TMPRSS15: variants seen among roughly 807,000 people sequenced by gnomAD.
TMPRSS15 encodes transmembrane serine protease 15.
In TMPRSS15, 128 loss-of-function variants were observed where a neutral mutation model predicts 125.3. The ratio of observed to expected loss-of-function variants is 1.02; its 90% CI spans 0.89 to 1.18. The LOEUF (loss-of-function observed/expected upper bound fraction) is 1.18, where lower values mean the gene tolerates loss of function less well. TMPRSS15 is among the 50% of genes most tolerant of loss of function. TMPRSS15 has a pLI of 0.00. For missense variants in TMPRSS15, 1,283 were observed against 1,212.7 expected (o/e 1.06, Z -0.86); for synonymous variants, 446 against 423.2 (o/e 1.05, Z -0.66).
chr21:18,419,220 CTTTTT>C (rs540004490), intron 1 of TMPRSS15, among the ~76,000 whole-genome samples: 2 of 108,604 alleles, frequency 1.8e-5, no homozygotes, highest in African/African-American at 7.0e-5. Flanking sequence ...GACATTTCCT[CTTTTT>C]TTTTTTTTTT....
intron 1 of TMPRSS15, among the ~76,000 whole-genome samples, chr21:18,435,303 C>T (rs2076225396): frequency 6.6e-6 from 1 of 152,086 alleles, no homozygotes. Context: ...GAGATACGTC[C>T]CATCAATACC....
At chr21:18,451,732 T>C (rs9984243) in intron 1 of TMPRSS15, among the ~76,000 whole-genome samples, 14,113 of 152,216 alleles carry the variant, frequency 0.093, 1,864 homozygotes, top group African/African-American at 0.3. Flanking sequence ...TCTTCTACTC[T>C]GTTTTCTATA....
At chr21:18,483,539 A>G (rs942108390) in intron 1 of TMPRSS15, among the ~76,000 whole-genome samples, 1 of 151,756 alleles carries the variant, frequency 6.6e-6, no homozygotes, top group Non-Finnish European at 1.5e-5. Context: ...TTATTGGCAA[A>G]CCTGTAAAAT....
chr21:18,272,190 A>G (rs1452486957), intron 24 of TMPRSS15, among the ~76,000 whole-genome samples: 1 of 152,160 alleles, frequency 6.6e-6, no homozygotes, highest in African/African-American at 2.4e-5. Context: ...CAACACTGTA[A>G]AAGTGTTCCT....
intron 21 of TMPRSS15, among the ~76,000 whole-genome samples, chr21:18,292,013 T>C (rs2074842225): frequency 1.3e-5 from 2 of 152,180 alleles, no homozygotes; most frequent in South Asian, 4.1e-4. Flanking sequence ...AGTCATAAAA[T>C]GTTTATTGTT....
intron 1 of TMPRSS15, among the ~76,000 whole-genome samples, chr21:18,427,521 C>T (rs951688551): frequency 3.9e-5 from 6 of 152,042 alleles, no homozygotes; most frequent in Admixed American, 3.3e-4. Context: ...TTATTTTAGC[C>T]ACAGTTAATA....
chr21:18,319,422 AT>A (rs35796863), intron 16 of TMPRSS15, among the ~76,000 whole-genome samples: 11,485 of 105,178 alleles, frequency 0.11, 338 homozygotes, highest in Non-Finnish European at 0.12. Context: ...TTCTTCACCG[AT>A]TTTTTTTTTT....
In TMPRSS15 at chr21:18,456,021, C is replaced by T. The variant is rs115151994; in HGVS notation, c.10+29778G>A. Among the ~76,000 whole-genome samples, 1,173 of 152,064 alleles carry T rather than the reference C, an allele frequency of 7.7e-3. 17 individuals are homozygous for T. The highest frequency in any genetic ancestry group is 0.027 in the African/African-American group (1,118 of 41,500). On this transcript the variant is annotated intron_variant, in intron 1 of 7. Coordinates refer to the TMPRSS15 transcript ENST00000422787. ...AAATGATTTAAAGTAAAATAAATTC[C>T]GTGAGTAAAATTATATGAATCTAAT...
At chr21:18,377,289 A>C (rs1302448544) in intron 5 of TMPRSS15, among the ~76,000 whole-genome samples, 1 of 152,200 alleles carries the variant, frequency 6.6e-6, no homozygotes, top group East Asian at 1.9e-4. Flanking sequence ...TCAGATCAAA[A>C]TGAGCATTAC....
intron 1 of TMPRSS15, among the ~76,000 whole-genome samples, chr21:18,440,191 G>C (rs1025221023): frequency 1.3e-5 from 2 of 151,256 alleles, no homozygotes; most frequent in African/African-American, 4.9e-5. Flanking sequence ...TGGCTAACAC[G>C]GTGAAACCTC....
Position 18,315,154 on chromosome 21 carries a change from G to A in TMPRSS15, c.2024C>T (p.Ala675Val). Residue 675 changes from alanine to valine, a missense_variant, in exon 17 of 25, where the codon GCA (alanine) becomes GTA (valine). Transcript: ENST00000284885. Reference protein sequence around the residue: ...HLHCEDGSDEADCVRFFNGTT... With the variant: ...HLHCEDGSDEVDCVRFFNGTT... ...CTAAAAATAAGACATACCACAATCT[G>A]CTTCATCTGAGCCATCCTCACAGTG... is the stretch of plus-strand genomic sequence containing the variant. 6.2e-7 allele frequency: 1 copy of A among 1,612,160 alleles called. No individual in the cohort carries two copies.
rs149222115 is a variant in TMPRSS15 at position 18,449,753 on chromosome 21, CTCTTCACAG to C, written c.10+36037_10+36045del. Among the ~76,000 whole-genome samples, 1,168 of 152,032 alleles carry C rather than the reference CTCTTCACAG, an allele frequency of 7.7e-3. 16 individuals carry two copies. Among genetic ancestry groups the C allele is most frequent in the African/African-American group, 0.027 (1,104 of 41,480 alleles). On this transcript the variant is annotated intron_variant, in intron 1 of 7. Coordinates refer to the TMPRSS15 transcript ENST00000422787. ...TATCTTGGCAATGGAAAATTTTCAG[CTCTTCACAG>C]TCATCCTTGAATCACTCTCAGACCA...
At chr21:18,458,800 T>C (rs1601469752) in intron 1 of TMPRSS15, among the ~76,000 whole-genome samples, 1 of 152,308 alleles carries the variant, frequency 6.6e-6, no homozygotes, top group African/African-American at 2.4e-5. Flanking sequence ...GGAGAACACA[T>C]GCAGACTGCT....
rs995868829 is a variant in TMPRSS15 at position 18,294,321 on chromosome 21, G to A, written c.2435C>T (p.Ala812Val). 6.2e-7 allele frequency: 1 copy of A among 1,614,222 alleles called. No homozygotes were observed. Among genetic ancestry groups the A allele is most frequent in the Admixed American group, 1.7e-5 (1 of 60,024 alleles). ...CAGCCAGTCACTGCTGACGAGAGATGCGCCGCAGAGCAGTCGGCCGCCATA... is the reference window on the plus strand; with the variant it reads ...CAGCCAGTCACTGCTGACGAGAGATACGCCGCAGAGCAGTCGGCCGCCATA... ...LYYGGRLLCG[A>V]SLVSSDWLVS... The change falls in exon 21 of 25, where the codon GCA becomes GTA. Residue 812 changes from alanine to valine, a missense_variant. By Grantham distance (64) the Ala-to-Val change is moderately conservative. Transcript: ENST00000284885.
intron 1 of TMPRSS15, among the ~76,000 whole-genome samples, chr21:18,456,529 A>G (rs988578646): frequency 6.6e-6 from 1 of 152,106 alleles, no homozygotes; most frequent in Non-Finnish European, 1.5e-5. Context: ...CTAGACCTGA[A>G]GAGGGCTACC....
chr21:18,341,338 T>A, intron 13 of TMPRSS15, 75 bp downstream of exon 13: 1 of 1,587,964 alleles, frequency 6.3e-7, no homozygotes, highest in Non-Finnish European at 8.6e-7. Context: ...CCCGAAGTGC[T>A]GGAATTATAG....
chr21:18,372,157 A>G, intron 6 of TMPRSS15, 36 bp downstream of exon 6: 1 of 1,528,480 alleles, frequency 6.5e-7, no homozygotes, highest in Non-Finnish European at 9.0e-7. Context: ...GAGGGAGGAT[A>G]AAACAGAAGG....
chr21:18,294,854 T>C (rs1601288735), intron 19 of TMPRSS15, among the ~76,000 whole-genome samples: 1 of 152,226 alleles, frequency 6.6e-6, no homozygotes, highest in South Asian at 2.1e-4. Context: ...TATTCTACCA[T>C]TTCTATGTGA....
chr21:18,440,866 T>C (rs1193879608), intron 1 of TMPRSS15, among the ~76,000 whole-genome samples: 2 of 152,240 alleles, frequency 1.3e-5, no homozygotes, highest in Non-Finnish European at 2.9e-5. Context: ...GTTAATAATA[T>C]AGTTGTTGGA....
Sources: gnomAD v4.1 joint callset for allele counts (sites outside exome capture counted in the v4.1 genomes callset) on GRCh38, gnomAD v4.1.1 for gene constraint, MANE v1.5 for transcripts, NCBI Gene and HGNC (gene_info 2026-07-23, HGNC 2026-07-21) for gene names.